Variants in MAGI1 observed in about 807,000 individuals in gnomAD.
MAGI1 encodes the protein membrane associated guanylate kinase, WW and PDZ domain containing 1, also known as membrane-associated guanylate kinase, WW and PDZ domain-containing protein 1.
Under a neutral mutation model 139.9 loss-of-function variants are expected in MAGI1, and 58 were observed. That is an observed-to-expected ratio of 0.41 (90% CI 0.34 to 0.52). The LOEUF is 0.52. Among genes scored for constraint, MAGI1 ranks in the 20% least tolerant of loss-of-function variants. The pLI is 0.12. For synonymous variants in MAGI1, 812 were observed against 737.9 expected, an observed-to-expected ratio of 1.10 and a Z score of -1.63; for missense variants, 1,874 against 1,901.6, an observed-to-expected ratio of 0.99 and a Z score of 0.27.
At chr3:65,654,363 T>C (rs559375445) in intron 1 of MAGI1, among the ~76,000 whole-genome samples, 26 of 152,312 alleles carry the variant, frequency 1.7e-4, no homozygotes, top group African/African-American at 5.5e-4. Flanking sequence ...GGCGTAAAAA[T>C]GTCCAGTGAA....
At chr3:65,589,869 T>C (rs2106729802) in intron 2 of MAGI1, among the ~76,000 whole-genome samples, 1 of 151,102 alleles carries the variant, frequency 6.6e-6, no homozygotes, top group South Asian at 2.1e-4. Flanking sequence ...ACCATGTGAC[T>C]CTCCTAAACT....
chr3:65,374,741 A>G (rs974660094), intron 18 of MAGI1, among the ~76,000 whole-genome samples: 1 of 152,190 alleles, frequency 6.6e-6, no homozygotes, highest in African/African-American at 2.4e-5. Flanking sequence ...TGACCTAACT[A>G]GATGCTACTC....
At chr3:65,740,912 C>G (rs964403312) in intron 1 of MAGI1, among the ~76,000 whole-genome samples, 1 of 152,164 alleles carries the variant, frequency 6.6e-6, no homozygotes, top group Non-Finnish European at 1.5e-5. Context: ...ACTTTGAGAT[C>G]ACTATTTTTC....
chr3:65,603,424 A>G (rs532111601), intron 2 of MAGI1, among the ~76,000 whole-genome samples: 35 of 152,348 alleles, frequency 2.3e-4, no homozygotes, highest in African/African-American at 6.7e-4. Context: ...AAAAATTTAT[A>G]TGACAATCTA....
intron 1 of MAGI1, among the ~76,000 whole-genome samples, chr3:65,792,197 G>A (rs2039826830): frequency 6.6e-6 from 1 of 152,146 alleles, no homozygotes; most frequent in African/African-American, 2.4e-5. Flanking sequence ...AGAAGCAGTG[G>A]CTCATGCCTA....
chr3:65,978,049 T>C (rs2065354469), intron 1 of MAGI1, among the ~76,000 whole-genome samples: 1 of 152,158 alleles, frequency 6.6e-6, no homozygotes, highest in Non-Finnish European at 1.5e-5. Flanking sequence ...TTTCCGCATT[T>C]ATTCACTCAC....
intron 1 of MAGI1, among the ~76,000 whole-genome samples, chr3:65,949,178 G>A (rs550603659): frequency 2.0e-5 from 3 of 152,262 alleles, no homozygotes; most frequent in Non-Finnish European, 4.4e-5. Context: ...TCCAGAGCAC[G>A]TGTCATATCA....
chr3:65,697,771 C>T (rs2089323356), intron 1 of MAGI1, among the ~76,000 whole-genome samples: 1 of 102,708 alleles, frequency 9.7e-6, no homozygotes, highest in Non-Finnish European at 1.9e-5. Context: ...CAATATCATA[C>T]TGAATGGGCA....
At chr3:65,651,029 A>G (rs1277196468) in intron 1 of MAGI1, among the ~76,000 whole-genome samples, 3 of 152,200 alleles carry the variant, frequency 2.0e-5, no homozygotes, top group Non-Finnish European at 4.4e-5. Context: ...TGTTTCTTTA[A>G]GGTGAAGGGA....
At chr3:65,414,469 A>G (rs1946038901) in intron 12 of MAGI1, among the ~76,000 whole-genome samples, 1 of 152,216 alleles carries the variant, frequency 6.6e-6, no homozygotes, top group Admixed American at 6.5e-5. Flanking sequence ...ATGATCAAAG[A>G]AAGAGGGGAG....
rs1414144066 is a variant in MAGI1 at position 65,584,224 on chromosome 3, A to C, written c.430+37748T>G. On this transcript the variant is annotated intron_variant, in intron 2 of 22. Transcript: ENST00000402939. ...TCTGACAGCTGACTCAGCAGAGACCAGTTGGAACAATGGTTTTCAGGAGGC... is the reference window on the plus strand; with the variant it reads ...TCTGACAGCTGACTCAGCAGAGACCCGTTGGAACAATGGTTTTCAGGAGGC... Among the ~76,000 whole-genome samples, 7 of 152,226 alleles carry C rather than the reference A, an allele frequency of 4.6e-5. No individual in the cohort carries two copies. In the East Asian group the frequency reaches 1.4e-3, roughly 29 times the overall value.
chr3:65,537,552 G>T (rs999430396), intron 2 of MAGI1, among the ~76,000 whole-genome samples: 1 of 152,146 alleles, frequency 6.6e-6, no homozygotes, highest in African/African-American at 2.4e-5. Flanking sequence ...GGCAGTGGGG[G>T]AATGTTATGG....
At chr3:65,704,476 C>T (rs2089823674) in intron 1 of MAGI1, among the ~76,000 whole-genome samples, 1 of 152,146 alleles carries the variant, frequency 6.6e-6, no homozygotes, top group Non-Finnish European at 1.5e-5. Flanking sequence ...CTAGACATTA[C>T]CACTTGCCAG....
chr3:65,766,785 A>G (rs2037514601), intron 1 of MAGI1, among the ~76,000 whole-genome samples: 1 of 152,020 alleles, frequency 6.6e-6, no homozygotes, highest in Non-Finnish European at 1.5e-5. Flanking sequence ...GCTACTCAGG[A>G]GGCTGAGGCA....
At chr3:65,959,413 C>T (rs1274889168) in intron 1 of MAGI1, among the ~76,000 whole-genome samples, 2 of 152,058 alleles carry the variant, frequency 1.3e-5, no homozygotes, top group Admixed American at 6.6e-5. Context: ...GGGCAAGGCA[C>T]TATGTCTGTG....
At chr3:65,594,349 T>C (rs1261561570) in intron 2 of MAGI1, among the ~76,000 whole-genome samples, 4 of 152,216 alleles carry the variant, frequency 2.6e-5, no homozygotes, top group East Asian at 3.8e-4. Context: ...TTCCTGAGTG[T>C]TGACATCCCA....
chr3:65,998,725 C>T (rs2066587421), intron 1 of MAGI1, among the ~76,000 whole-genome samples: 1 of 151,670 alleles, frequency 6.6e-6, no homozygotes, highest in African/African-American at 2.4e-5. Context: ...CTTTCCTTTC[C>T]TAAAATGCTG....
chr3:65,394,518 CT>C (rs1337211929), intron 13 of MAGI1, among the ~76,000 whole-genome samples: 2 of 152,162 alleles, frequency 1.3e-5, no homozygotes, highest in African/African-American at 4.8e-5. Flanking sequence ...AATCTGGAAG[CT>C]TTTTGGATGT....
At chr3:65,812,843 G>A (rs1328054967) in intron 1 of MAGI1, among the ~76,000 whole-genome samples, 2 of 150,510 alleles carry the variant, frequency 1.3e-5, no homozygotes, top group African/African-American at 2.4e-5. Flanking sequence ...CCAAGTAGCT[G>A]GGACTACAGG....
Sources: gnomAD v4.1 joint callset for allele counts (sites outside exome capture counted in the v4.1 genomes callset) on GRCh38, gnomAD v4.1.1 for gene constraint, MANE v1.5 for transcripts, NCBI Gene and HGNC (gene_info 2026-07-23, HGNC 2026-07-21) for gene names.